Variants in TENM4 observed in about 807,000 individuals in gnomAD.
TENM4 encodes teneurin transmembrane protein 4.
Under a neutral mutation model 243.3 loss-of-function variants are expected in TENM4, and 82 were observed. That is an observed-to-expected ratio of 0.34 (90% CI 0.28 to 0.40). The LOEUF (loss-of-function observed/expected upper bound fraction) is 0.40. TENM4 is among the 10% of genes least tolerant of loss of function. The probability of loss-of-function intolerance (pLI) is 1.00; values close to 1 mark genes in which losing one functional copy is unlikely to be tolerated. For missense variants in TENM4, 3,138 were observed against 3,673.3 expected (o/e 0.85, Z 3.77); for synonymous variants, 1,412 against 1,456.3 (o/e 0.97, Z 0.69).
chr11:79,328,597 G>A (rs1317216559), intron 1 of TENM4, among the ~76,000 whole-genome samples: 1 of 152,058 alleles, frequency 6.6e-6, no homozygotes, highest in Non-Finnish European at 1.5e-5. Context: ...TGGCGGTGGT[G>A]GTGGCGGTGT....
intron 2 of TENM4, among the ~76,000 whole-genome samples, chr11:79,265,049 A>G (rs1181144755): frequency 6.6e-6 from 1 of 152,144 alleles, no homozygotes; most frequent in East Asian, 1.9e-4. Flanking sequence ...GCCTGGGTAG[A>G]ATGTTTTTTG....
intron 2 of TENM4, among the ~76,000 whole-genome samples, chr11:79,254,937 C>T (rs1354719498): frequency 1.3e-5 from 2 of 152,046 alleles, no homozygotes; most frequent in African/African-American, 2.4e-5. Context: ...GAAGCTTTTC[C>T]ATGCATCCTT....
At chr11:79,207,147 C>T (rs1490707546) in intron 3 of TENM4, among the ~76,000 whole-genome samples, 1 of 152,130 alleles carries the variant, frequency 6.6e-6, no homozygotes, top group East Asian at 1.9e-4. Flanking sequence ...AGGCTGCCTG[C>T]AAGTTCACCT....
chr11:78,770,472 A>G (rs185735053), intron 18 of TENM4, among the ~76,000 whole-genome samples: 1 of 152,364 alleles, frequency 6.6e-6, no homozygotes, highest in East Asian at 1.9e-4. Flanking sequence ...TTGACTGTCT[A>G]GCACTTTAAA....
At chr11:78,863,638 C>CCA (rs1319198992) in intron 9 of TENM4, among the ~76,000 whole-genome samples, 10 of 152,184 alleles carry the variant, frequency 6.6e-5, no homozygotes, top group Non-Finnish European at 1.5e-4. Context: ...CTCTGAAATA[C>CCA]TATTTTTCAC....
chr11:78,929,633 T>C lies in TENM4; in HGVS notation c.494-26110A>G, dbSNP rs1011607860. Among the ~76,000 whole-genome samples, 13 of 152,150 alleles carry C rather than the reference T, an allele frequency of 8.5e-5. 1 individual carries two copies. Among genetic ancestry groups the C allele is most frequent in the South Asian group, 8.3e-4 (4 of 4,820 alleles). ...TAAGGATCAGGGCCCCCGGGGGAGATGGTAAAGAGGGAACCTGGTTATAAT... is the reference window on the plus strand; with the variant it reads ...TAAGGATCAGGGCCCCCGGGGGAGACGGTAAAGAGGGAACCTGGTTATAAT... On this transcript the variant is annotated intron_variant, in intron 6 of 33. Coordinates refer to ENST00000278550, the MANE Select transcript of TENM4 (RefSeq NM_001098816.3).
At chr11:78,752,124 G>C (rs1856203208) in intron 19 of TENM4, among the ~76,000 whole-genome samples, 1 of 152,198 alleles carries the variant, frequency 6.6e-6, no homozygotes, top group Non-Finnish European at 1.5e-5. Flanking sequence ...GAGGACAGCA[G>C]TGGCAGGATG....
chr11:79,397,692 C>G (rs1858374341), intron 1 of TENM4, among the ~76,000 whole-genome samples: 1 of 152,182 alleles, frequency 6.6e-6, no homozygotes, highest in East Asian at 1.9e-4. Context: ...GAAGGGCACT[C>G]AGGTCTGGGG....
intron 6 of TENM4, among the ~76,000 whole-genome samples, chr11:78,988,799 T>C (rs1857976787): frequency 6.6e-6 from 1 of 152,194 alleles, no homozygotes; most frequent in African/African-American, 2.4e-5. Flanking sequence ...CTCAGCCCCC[T>C]GAGTAGCTGG....
intron 9 of TENM4, among the ~76,000 whole-genome samples, chr11:78,879,272 G>A (rs1191777852): frequency 3.3e-4 from 45 of 136,164 alleles, no homozygotes; most frequent in African/African-American, 9.1e-4. Context: ...CCTGGCAGCC[G>A]CCCTGTCTGG....
intron 1 of TENM4, among the ~76,000 whole-genome samples, chr11:79,326,110 A>G (rs1028683060): frequency 1.3e-5 from 2 of 152,196 alleles, no homozygotes; most frequent in African/African-American, 4.8e-5. Context: ...ATTTCCTAAT[A>G]TAGTGTGATC....
intron 7 of TENM4, among the ~76,000 whole-genome samples, chr11:78,895,344 A>G (rs914711571): frequency 6.6e-6 from 1 of 152,114 alleles, no homozygotes; most frequent in African/African-American, 2.4e-5. Flanking sequence ...CTCCAAAAAA[A>G]AAAAAAAGAA....
At chr11:78,850,375 T>C (rs920898852) in intron 12 of TENM4, among the ~76,000 whole-genome samples, 3 of 152,232 alleles carry the variant, frequency 2.0e-5, no homozygotes, top group African/African-American at 7.2e-5. Flanking sequence ...CATTTTGACA[T>C]ATAATGAAGG....
At chr11:78,867,355 A>G (rs1329703269) in intron 9 of TENM4, among the ~76,000 whole-genome samples, 1 of 152,218 alleles carries the variant, frequency 6.6e-6, no homozygotes, top group African/African-American at 2.4e-5. Context: ...AGAATACAGC[A>G]AAGTCATCTT....
At chr11:79,164,009 A>G (rs1261077716) in intron 3 of TENM4, among the ~76,000 whole-genome samples, 2 of 70,610 alleles carry the variant, frequency 2.8e-5, no homozygotes, top group Non-Finnish European at 3.0e-5. Context: ...TATAGTATAT[A>G]GTATATATAT....
intron 19 of TENM4, among the ~76,000 whole-genome samples, chr11:78,744,007 G>GT (rs1201037809): frequency 2.6e-5 from 4 of 152,092 alleles, no homozygotes; most frequent in Admixed American, 6.6e-5. Flanking sequence ...TTTTAAACAG[G>GT]TTTTTTTGCC....
At chr11:78,770,154 C>T (rs1856618215) in intron 18 of TENM4, among the ~76,000 whole-genome samples, 1 of 152,152 alleles carries the variant, frequency 6.6e-6, no homozygotes, top group African/African-American at 2.4e-5. Flanking sequence ...CTAATAACCA[C>T]CTGTGAGTGG....
intron 4 of TENM4, among the ~76,000 whole-genome samples, chr11:79,072,179 T>A (rs1334943186): frequency 6.6e-6 from 1 of 152,132 alleles, no homozygotes; most frequent in Admixed American, 6.5e-5. Context: ...TTGACTGCAG[T>A]CCATAATTAG....
At chr11:79,219,743 G>A (rs1410228970) in intron 2 of TENM4, among the ~76,000 whole-genome samples, 1 of 152,136 alleles carries the variant, frequency 6.6e-6, no homozygotes, top group Non-Finnish European at 1.5e-5. Context: ...TCTTCTCCCA[G>A]TGCATCTCCT....
Sources: allele counts gnomAD v4.1 joint callset (sites outside exome capture counted in the v4.1 genomes callset), GRCh38; gene constraint gnomAD v4.1.1; transcripts MANE v1.5; gene names NCBI Gene and HGNC (gene_info 2026-07-23, HGNC 2026-07-21).